Variants in ADGRL2 observed in about 807,000 individuals in gnomAD.
ADGRL2 encodes calcium-independent alpha-latrotoxin receptor 2.
In ADGRL2, 44 loss-of-function variants were observed where a neutral mutation model predicts 157.4. The ratio of observed to expected loss-of-function variants is 0.28; its 90% CI spans 0.22 to 0.36. The LOEUF is 0.36. Among genes scored for constraint, ADGRL2 ranks in the 10% least tolerant of loss-of-function variants. ADGRL2 has a pLI of 1.00. For synonymous variants in ADGRL2, 585 were observed against 624.7 expected, an observed-to-expected ratio of 0.94 and a Z score of 0.95; for missense variants, 1,510 against 1,768.9, an observed-to-expected ratio of 0.85 and a Z score of 2.63.
chr1:81,601,485 G>A (rs2081332775), intron 3 of ADGRL2, among the ~76,000 whole-genome samples: 2 of 152,166 alleles, frequency 1.3e-5, no homozygotes, highest in Admixed American at 6.5e-5. Context: ...AAAAGGAACA[G>A]TTTGAAAGCA....
chr1:81,690,004 C>T (rs974581933), intron 3 of ADGRL2, among the ~76,000 whole-genome samples: 1 of 152,174 alleles, frequency 6.6e-6, no homozygotes, highest in Admixed American at 6.5e-5. Context: ...AGGTGCTTCT[C>T]ACTCAATCCC....
At chr1:81,526,398 A>T (rs1263580416) in intron 2 of ADGRL2, among the ~76,000 whole-genome samples, 1 of 152,210 alleles carries the variant, frequency 6.6e-6, no homozygotes, top group Non-Finnish European at 1.5e-5. Flanking sequence ...CTTGAAATTC[A>T]TATATCAAAT....
intron 1 of ADGRL2, among the ~76,000 whole-genome samples, chr1:81,387,114 C>A (rs765414736): frequency 2.0e-5 from 3 of 152,144 alleles, no homozygotes; most frequent in Non-Finnish European, 4.4e-5. Flanking sequence ...TATTTGAGAT[C>A]CTGCAGAAGT....
chr1:81,356,971 A>AAAAAAAAAAGAAG (rs80327519), intron 1 of ADGRL2, among the ~76,000 whole-genome samples: 1,513 of 98,816 alleles, frequency 0.015, 65 homozygotes, highest in Non-Finnish European at 0.023. Context: ...AAAAAAAAAA[A>AAAAAAAAAAGAAG]AAGAAGTTGT....
intron 2 of ADGRL2, among the ~76,000 whole-genome samples, chr1:81,576,498 A>G (rs2080800046): frequency 1.3e-5 from 2 of 152,162 alleles, no homozygotes; most frequent in South Asian, 2.1e-4. Context: ...TTACTTGGCA[A>G]TACTCAAATC....
At chr1:81,948,786 G>A (rs1440447838) in intron 6 of ADGRL2, among the ~76,000 whole-genome samples, 1 of 152,166 alleles carries the variant, frequency 6.6e-6, no homozygotes, top group Non-Finnish European at 1.5e-5. Flanking sequence ...AATAAATTAT[G>A]CCCTGGAAAT....
At chr1:81,961,512 T>TC (rs1199751067) in intron 11 of ADGRL2, among the ~76,000 whole-genome samples, 3 of 149,854 alleles carry the variant, frequency 2.0e-5, no homozygotes, top group Non-Finnish European at 3.0e-5. Context: ...TTTCTTTCTT[T>TC]TTTTTTTTTT....
intron 2 of ADGRL2, among the ~76,000 whole-genome samples, chr1:81,554,751 T>C (rs2080232537): frequency 6.6e-6 from 1 of 152,046 alleles, no homozygotes; most frequent in Non-Finnish European, 1.5e-5. Flanking sequence ...TTTAAAAGCT[T>C]TGTTTAACCT....
At chr1:81,652,477 T>C (rs935627951) in intron 3 of ADGRL2, among the ~76,000 whole-genome samples, 56 of 152,276 alleles carry the variant, frequency 3.7e-4, no homozygotes, top group African/African-American at 1.3e-3. Flanking sequence ...TACAGAAGAA[T>C]ACTGAATAGA....
intron 1 of ADGRL2, among the ~76,000 whole-genome samples, chr1:81,372,538 T>C (rs2076178898): frequency 6.6e-6 from 1 of 152,194 alleles, no homozygotes; most frequent in Non-Finnish European, 1.5e-5. Flanking sequence ...CATAAGTAAG[T>C]TTCACAGTTT....
chr1:81,332,071 A>G (rs1340578556), intron 1 of ADGRL2, among the ~76,000 whole-genome samples: 1 of 152,152 alleles, frequency 6.6e-6, no homozygotes, highest in Non-Finnish European at 1.5e-5. Flanking sequence ...TATGTGACAA[A>G]TGGATTCTGC....
chr1:81,681,291 T>C (rs2083108337), intron 3 of ADGRL2, among the ~76,000 whole-genome samples: 1 of 152,244 alleles, frequency 6.6e-6, no homozygotes, highest in East Asian at 1.9e-4. Flanking sequence ...TTCTTGCCAG[T>C]AAGCAGCATG....
intron 1 of ADGRL2, among the ~76,000 whole-genome samples, chr1:81,309,345 A>G (rs1659571715): frequency 6.6e-6 from 1 of 152,198 alleles, no homozygotes; most frequent in Non-Finnish European, 1.5e-5. Flanking sequence ...CTATGGGGTC[A>G]GTGAAACCAT....
intron 3 of ADGRL2, among the ~76,000 whole-genome samples, chr1:81,690,847 C>T (rs1570845770): frequency 1.3e-5 from 2 of 152,282 alleles, no homozygotes; most frequent in African/African-American, 2.4e-5. Flanking sequence ...ATTCAGAATA[C>T]GACTTCAAGA....
rs565937543 is a variant in ADGRL2, at chr1:81,991,854, A to C, written c.*709A>C. Reference sequence around the variant, plus strand: ...TTAAAATAATTTTAAAGAGTGAAGAAAATATTGTGAAAAGCTCTTGGTTGC... The same window carrying C: ...TTAAAATAATTTTAAAGAGTGAAGACAATATTGTGAAAAGCTCTTGGTTGC... On this transcript the variant is annotated 3_prime_UTR_variant, in exon 24 of 24. Coordinates refer to ENST00000686636, the MANE Select transcript of ADGRL2 (RefSeq NM_001366006.2). 20 of 152,762 alleles carry C rather than the reference A, an allele frequency of 1.3e-4. No homozygotes were observed. Among genetic ancestry groups the C allele is most frequent in the African/African-American group, 3.8e-4 (16 of 41,568 alleles). The allele number at this position is 152,762 out of a possible 1,614,324, so 9.5% of individuals were successfully genotyped here.
At chr1:81,850,351 A>G (rs1361002234) in intron 2 of ADGRL2, among the ~76,000 whole-genome samples, 1 of 151,684 alleles carries the variant, frequency 6.6e-6, no homozygotes, top group Non-Finnish European at 1.5e-5. Flanking sequence ...CCCTTCTTTC[A>G]GTTTTTGAAT....
intron 2 of ADGRL2, among the ~76,000 whole-genome samples, chr1:81,869,630 C>T (rs977259437): frequency 6.6e-6 from 1 of 151,974 alleles, no homozygotes; most frequent in Admixed American, 6.6e-5. Flanking sequence ...TAAATAATTA[C>T]AGTTTCTCAC....
At chr1:81,425,578 T>G (rs928187320) in intron 1 of ADGRL2, among the ~76,000 whole-genome samples, 1 of 152,220 alleles carries the variant, frequency 6.6e-6, no homozygotes, top group African/African-American at 2.4e-5. Flanking sequence ...TTTCTCCTAC[T>G]AGTCTGAATT....
chr1:81,910,562 A>G (rs1041050794), intron 3 of ADGRL2, among the ~76,000 whole-genome samples: 2 of 151,596 alleles, frequency 1.3e-5, no homozygotes, highest in African/African-American at 2.4e-5. Context: ...AGTATAATAC[A>G]GAAAACTGCT....
Sources: gnomAD v4.1 joint callset for allele counts (sites outside exome capture counted in the v4.1 genomes callset) on GRCh38, gnomAD v4.1.1 for gene constraint, MANE v1.5 for transcripts, NCBI Gene and HGNC (gene_info 2026-07-23, HGNC 2026-07-21) for gene names.